TMC1: variants seen among roughly 807,000 people sequenced by gnomAD.
TMC1 encodes transmembrane channel like 1, also known as transmembrane channel-like protein 1.
Under a neutral mutation model 105.8 loss-of-function variants are expected in TMC1, and 84 were observed. The ratio of observed to expected loss-of-function variants is 0.79; its 90% confidence interval spans 0.67 to 0.95. The LOEUF (loss-of-function observed/expected upper bound fraction) is 0.95. Among genes scored for constraint, TMC1 ranks in the 40% least tolerant of loss-of-function variants. TMC1 has a pLI of 0.00. For synonymous variants in TMC1, 315 were observed against 311.5 expected, an observed-to-expected ratio of 1.01 and a Z score of -0.12; for missense variants, 817 against 914.1, an observed-to-expected ratio of 0.89 and a Z score of 1.37.
intron 12 of TMC1, among the ~76,000 whole-genome samples, chr9:72,767,588 T>C (rs1827860188): frequency 6.6e-6 from 1 of 152,194 alleles, no homozygotes; most frequent in African/African-American, 2.4e-5. Flanking sequence ...GTAACCATAA[T>C]AAAAACAGTC....
intron 18 of TMC1, among the ~76,000 whole-genome samples, chr9:72,815,314 A>C (rs775545466): frequency 8.5e-5 from 13 of 152,090 alleles, no homozygotes; most frequent in Non-Finnish European, 1.8e-4. Flanking sequence ...AAAACAGCCT[A>C]GTGTTGCTGC....
intron 19 of TMC1, among the ~76,000 whole-genome samples, chr9:72,817,775 C>T (rs1828810115): frequency 6.6e-6 from 1 of 152,122 alleles, no homozygotes; most frequent in Non-Finnish European, 1.5e-5. Context: ...TATTGAAATT[C>T]TTAAATATCT....
chr9:72,598,242 T>C (rs943390361), intron 2 of TMC1, among the ~76,000 whole-genome samples: 3 of 152,258 alleles, frequency 2.0e-5, no homozygotes, highest in Admixed American at 2.0e-4. Context: ...TCTACTCACA[T>C]ATCCAAAGGC....
intron 2 of TMC1, among the ~76,000 whole-genome samples, chr9:72,612,595 G>A (rs1240374511): frequency 2.0e-5 from 3 of 152,118 alleles, no homozygotes; most frequent in African/African-American, 7.2e-5. Flanking sequence ...TAGATGTTAA[G>A]TAAGTGAATG....
chr9:72,650,969 C>T (rs1487640824), intron 5 of TMC1, among the ~76,000 whole-genome samples: 1 of 119,910 alleles, frequency 8.3e-6, no homozygotes, highest in Non-Finnish European at 1.7e-5. Context: ...ATCACATATA[C>T]AAGGATATGT....
intron 5 of TMC1, among the ~76,000 whole-genome samples, chr9:72,683,046 G>A (rs566110800): frequency 6.6e-6 from 1 of 152,296 alleles, no homozygotes; most frequent in South Asian, 2.1e-4. Flanking sequence ...CTGCGCCCAT[G>A]ATCCAGTCAC....
intron 12 of TMC1, among the ~76,000 whole-genome samples, chr9:72,764,826 C>G (rs1196108019): frequency 6.6e-6 from 1 of 152,084 alleles, no homozygotes; most frequent in East Asian, 1.9e-4. Flanking sequence ...AACATATATT[C>G]CCTGCCCACA....
chr9:72,693,068 C>A (rs918754519), intron 6 of TMC1, among the ~76,000 whole-genome samples: 4 of 149,360 alleles, frequency 2.7e-5, no homozygotes, highest in Admixed American at 6.7e-5. Flanking sequence ...TGCAGTGAGC[C>A]GAGACTGTGC....
At chr9:72,741,806 G>GA (rs1827394245) in intron 9 of TMC1, among the ~76,000 whole-genome samples, 1 of 152,166 alleles carries the variant, frequency 6.6e-6, no homozygotes, top group Non-Finnish European at 1.5e-5. Flanking sequence ...CTTGACTATG[G>GA]ATGACCCAAC....
chr9:72,623,016 C>T (rs1825280875), intron 3 of TMC1, among the ~76,000 whole-genome samples: 1 of 148,328 alleles, frequency 6.7e-6, no homozygotes, highest in African/African-American at 2.5e-5. Context: ...TGTGCCACTG[C>T]ACTCCAGCCT....
intron 3 of TMC1, 32 bp from the exon 4 acceptor site, chr9:72,627,889 C>T (rs879511120): frequency 2.7e-6 from 1 of 372,750 alleles, no homozygotes; most frequent in Non-Finnish European, 5.2e-6. Flanking sequence ...TTTTAAAAAT[C>T]TGTATTGGAT....
intron 12 of TMC1, among the ~76,000 whole-genome samples, chr9:72,766,592 C>G (rs922276412): frequency 5.3e-5 from 8 of 152,050 alleles, no homozygotes; most frequent in African/African-American, 1.9e-4. Context: ...AGCCATGTCC[C>G]CTGTGTAGGC....
chr9:72,550,526 C>T (rs545964625), intron 1 of TMC1, among the ~76,000 whole-genome samples: 56 of 151,876 alleles, frequency 3.7e-4, no homozygotes, highest in African/African-American at 1.3e-3. Flanking sequence ...GGCAAGCTGG[C>T]GGGCGCCTGT....
chr9:72,579,858 C>T (rs1824446691), intron 2 of TMC1, among the ~76,000 whole-genome samples: 1 of 151,656 alleles, frequency 6.6e-6, no homozygotes, highest in South Asian at 2.1e-4. Flanking sequence ...CCTGTCTCTA[C>T]CAACAATACG....
intron 20 of TMC1, among the ~76,000 whole-genome samples, chr9:72,825,720 G>T (rs930375111): frequency 6.6e-6 from 1 of 152,020 alleles, no homozygotes; most frequent in Non-Finnish European, 1.5e-5. Context: ...TGCATTGGGG[G>T]GTATGAACAA....
intron 10 of TMC1, among the ~76,000 whole-genome samples, chr9:72,749,540 G>A (rs1356949080): frequency 1.3e-5 from 2 of 152,088 alleles, no homozygotes; most frequent in Admixed American, 1.3e-4. Context: ...TGTCCTAGGA[G>A]AAGCAGACCA....
At chr9:72,745,368 T>C (rs1663749) in intron 10 of TMC1, among the ~76,000 whole-genome samples, 6 of 152,184 alleles carry the variant, frequency 3.9e-5, no homozygotes, top group Non-Finnish European at 5.9e-5. Context: ...CTTTCTCCTT[T>C]AGGGAAGGTT....
chr9:72,712,527 C>A (rs1007881169), intron 8 of TMC1, among the ~76,000 whole-genome samples: 5 of 152,098 alleles, frequency 3.3e-5, no homozygotes, highest in African/African-American at 1.2e-4. Context: ...CACTTTGTAG[C>A]AATTGTGAAT....
At chr9:72,832,104 A>C (rs1247392796) in intron 23 of TMC1, among the ~76,000 whole-genome samples, 1 of 151,606 alleles carries the variant, frequency 6.6e-6, no homozygotes, top group East Asian at 1.9e-4. Flanking sequence ...AGCGCACACC[A>C]CCATGCCTGG....
Sources: allele counts gnomAD v4.1 joint callset (sites outside exome capture counted in the v4.1 genomes callset), GRCh38; gene constraint gnomAD v4.1.1; transcripts MANE v1.5; gene names NCBI Gene and HGNC (gene_info 2026-07-23, HGNC 2026-07-21).